Variants in NTNG1 observed in about 807,000 individuals in gnomAD.
NTNG1 encodes the protein netrin-G1.
NTNG1 carries 16 observed loss-of-function variants against 54.0 expected under a neutral mutation model. That is an observed-to-expected ratio of 0.30 (90% CI 0.20 to 0.45). The LOEUF (loss-of-function observed/expected upper bound fraction) is 0.45, where lower values mean the gene tolerates loss of function less well. Ranked by LOEUF, NTNG1 falls within the 20% of genes least tolerant of loss-of-function variation. The probability of loss-of-function intolerance (pLI) is 1.00; values close to 1 mark genes in which losing one functional copy is unlikely to be tolerated. For synonymous variants in NTNG1, 255 were observed against 263.1 expected (o/e 0.97, Z 0.30); for missense variants, 530 against 678.7 (o/e 0.78, Z 2.43).
chr1:107,379,629 C>T (rs954688960), intron 3 of NTNG1, among the ~76,000 whole-genome samples: 1 of 152,110 alleles, frequency 6.6e-6, no homozygotes, highest in Non-Finnish European at 1.5e-5. Flanking sequence ...CTTCCCACAA[C>T]CAAAATAATA....
intron 3 of NTNG1, among the ~76,000 whole-genome samples, chr1:107,344,133 A>G (rs922958994): frequency 7.2e-5 from 11 of 152,114 alleles, no homozygotes; most frequent in Admixed American, 2.6e-4. Flanking sequence ...CGCCACTTTA[A>G]TTTAATTTAG....
At chr1:107,285,907 G>A (rs1665163865) in intron 2 of NTNG1, among the ~76,000 whole-genome samples, 1 of 151,970 alleles carries the variant, frequency 6.6e-6, no homozygotes, top group Admixed American at 6.6e-5. Flanking sequence ...CTTGATGTGT[G>A]ACACTCGCTC....
intron 5 of NTNG1, among the ~76,000 whole-genome samples, chr1:107,425,397 T>C (rs1291964668): frequency 6.6e-6 from 1 of 152,058 alleles, no homozygotes; most frequent in East Asian, 1.9e-4. Context: ...TATGTACCCT[T>C]TATTTAACCC....
At chr1:107,167,257 C>T (rs952134403) in intron 2 of NTNG1, among the ~76,000 whole-genome samples, 7 of 151,660 alleles carry the variant, frequency 4.6e-5, no homozygotes, top group African/African-American at 1.5e-4. Context: ...TAGAGTGGCA[C>T]GAATTTATGC....
intron 2 of NTNG1, among the ~76,000 whole-genome samples, chr1:107,232,838 A>G (rs919594776): frequency 3.3e-5 from 5 of 152,196 alleles, no homozygotes; most frequent in East Asian, 1.9e-4. Flanking sequence ...ATTCAGCTGC[A>G]TAGACATTAT....
chr1:107,311,553 A>G (rs1176478361), intron 2 of NTNG1, among the ~76,000 whole-genome samples: 1 of 152,120 alleles, frequency 6.6e-6, no homozygotes, highest in East Asian at 1.9e-4. Context: ...TTATTACATT[A>G]TACAAATTCC....
chr1:107,219,114 A>AT (rs199656576), intron 2 of NTNG1, among the ~76,000 whole-genome samples: 50,272 of 143,610 alleles, frequency 0.35, 9,117 homozygotes, highest in East Asian at 0.62. Context: ...TTGTTTTTAA[A>AT]TTTTTTTTTT....
intron 2 of NTNG1, among the ~76,000 whole-genome samples, chr1:107,231,685 A>C (rs1661080967): frequency 6.6e-6 from 1 of 152,146 alleles, no homozygotes; most frequent in South Asian, 2.1e-4. Flanking sequence ...ATAACCATCA[A>C]GTTCAGGCCA....
chr1:107,314,050 G>A (rs1033944768), intron 2 of NTNG1, among the ~76,000 whole-genome samples: 4 of 151,948 alleles, frequency 2.6e-5, no homozygotes, highest in African/African-American at 4.8e-5. Context: ...TAGTAAAGTC[G>A]ACGTTTTTCC....
chr1:107,203,488 C>A (rs190521713), intron 2 of NTNG1, among the ~76,000 whole-genome samples: 29 of 151,192 alleles, frequency 1.9e-4, no homozygotes, highest in African/African-American at 6.8e-4. Context: ...TGTAGATAAG[C>A]AGTTATTCTT....
chr1:107,295,614 T>C (rs1665895675), intron 2 of NTNG1, among the ~76,000 whole-genome samples: 1 of 152,130 alleles, frequency 6.6e-6, no homozygotes, highest in African/African-American at 2.4e-5. Flanking sequence ...AAGATGATAG[T>C]ATGAATTTTG....
intron 2 of NTNG1, among the ~76,000 whole-genome samples, chr1:107,221,669 A>G (rs77309160): frequency 0.016 from 2,489 of 152,292 alleles, 67 homozygotes; most frequent in African/African-American, 0.055. Flanking sequence ...AAGCCTGTGT[A>G]TTTTAACACT....
intron 5 of NTNG1, among the ~76,000 whole-genome samples, chr1:107,424,555 G>A (rs1674769969): frequency 6.6e-6 from 1 of 152,116 alleles, no homozygotes; most frequent in African/African-American, 2.4e-5. Context: ...GGGGATGATG[G>A]CAGTAATCCA....
In NTNG1 at chr1:107,480,675, C is replaced by T. The variant is rs747101757; in HGVS notation, c.1455C>T (p.Arg485=). 2.5e-6 allele frequency: 4 copies of T among 1,608,748 alleles called. No individual in the cohort carries two copies. The Admixed American group carries it at 5.0e-5, about 20-fold the overall frequency. ...GAGGGACGTGCCACAACAACGTGCG[C>T]TGCCTGTGCCCGGCCGCATACACGG... ...QNGGTCHNNV[R]CLCPAAYTGI... Residue 485 remains arginine (R), a synonymous_variant, in exon 8 of 8, where the codon CGC becomes CGT. Coordinates refer to ENST00000370068, the MANE Select transcript of NTNG1 (RefSeq NM_001113226.3).
chr1:107,155,802 G>T (rs531595081), intron 2 of NTNG1, among the ~76,000 whole-genome samples: 5 of 152,266 alleles, frequency 3.3e-5, no homozygotes, highest in African/African-American at 1.2e-4. Context: ...ACTACATAAT[G>T]ATGTTTTGGT....
At chr1:107,245,809 T>C (rs1238861489) in intron 2 of NTNG1, among the ~76,000 whole-genome samples, 1 of 152,172 alleles carries the variant, frequency 6.6e-6, no homozygotes, top group Non-Finnish European at 1.5e-5. Context: ...TAAGTCACTA[T>C]TTTCTCATCT....
intron 2 of NTNG1, among the ~76,000 whole-genome samples, chr1:107,319,698 A>G (rs1485070678): frequency 2.6e-5 from 4 of 152,032 alleles, no homozygotes; most frequent in Non-Finnish European, 5.9e-5. Flanking sequence ...TCACTTGTGT[A>G]CATGTCTGCT....
At chr1:107,292,976 C>A (rs536503814) in intron 2 of NTNG1, among the ~76,000 whole-genome samples, 1 of 152,124 alleles carries the variant, frequency 6.6e-6, no homozygotes, top group Non-Finnish European at 1.5e-5. Context: ...TCTCTCCTTC[C>A]GCCTTATGCC....
chr1:107,220,127 G>A (rs2101457990), intron 2 of NTNG1, among the ~76,000 whole-genome samples: 1 of 152,262 alleles, frequency 6.6e-6, no homozygotes, highest in East Asian at 1.9e-4. Flanking sequence ...TGCCTCTACT[G>A]TGTCACACAG....
Sources: allele counts gnomAD v4.1 joint callset (sites outside exome capture counted in the v4.1 genomes callset), GRCh38; gene constraint gnomAD v4.1.1; transcripts MANE v1.5; gene names NCBI Gene and HGNC (gene_info 2026-07-23, HGNC 2026-07-21).